Variants in DIP2C observed in about 807,000 individuals in gnomAD.
DIP2C encodes the protein disco-interacting protein 2 homolog C.
DIP2C carries 33 observed loss-of-function variants against 192.4 expected under a neutral mutation model. The ratio of observed to expected loss-of-function variants is 0.17; its 90% confidence interval spans 0.13 to 0.23. The LOEUF is 0.23. DIP2C is among the 10% of genes least tolerant of loss of function. DIP2C has a pLI of 1.00. For synonymous variants in DIP2C, 979 were observed against 864.1 expected, an observed-to-expected ratio of 1.13 and a Z score of -2.33; for missense variants, 1,537 against 2,110.1, an observed-to-expected ratio of 0.73 and a Z score of 5.32.
At chr10:639,215 C>T (rs2034851) in intron 1 of DIP2C, among the ~76,000 whole-genome samples, 4,939 of 133,536 alleles carry the variant, frequency 0.037, 91 homozygotes, top group African/African-American at 0.086. Context: ...GGGTGCTGCC[C>T]GGCTCACGGT....
At chr10:538,087 G>A (rs1847789999) in intron 1 of DIP2C, among the ~76,000 whole-genome samples, 1 of 152,112 alleles carries the variant, frequency 6.6e-6, no homozygotes, top group Admixed American at 6.5e-5. Flanking sequence ...ACCGTGCCTG[G>A]CTGTGAATGT....
intron 1 of DIP2C, among the ~76,000 whole-genome samples, chr10:682,073 T>A (rs928361512): frequency 6.6e-6 from 1 of 152,278 alleles, no homozygotes; most frequent in Non-Finnish European, 1.5e-5. Context: ...TAAGGTCTTC[T>A]GTGCTGACCT....
intron 1 of DIP2C, among the ~76,000 whole-genome samples, chr10:561,039 C>T (rs1849187306): frequency 6.6e-6 from 1 of 152,202 alleles, no homozygotes; most frequent in African/African-American, 2.4e-5. Context: ...ACCCCTGCTT[C>T]CAGTTGTCCC....
At chr10:373,952 C>T (rs1368326913) in intron 17 of DIP2C, among the ~76,000 whole-genome samples, 2 of 152,200 alleles carry the variant, frequency 1.3e-5, no homozygotes, top group Non-Finnish European at 2.9e-5. Context: ...AATAGCCCCC[C>T]GGATCCAATT....
At chr10:438,761 G>A (rs1400522438) in intron 4 of DIP2C, among the ~76,000 whole-genome samples, 1 of 152,164 alleles carries the variant, frequency 6.6e-6, no homozygotes, top group Non-Finnish European at 1.5e-5. Context: ...AAAGTGCTGA[G>A]GCTGGAGGCA....
At chr10:378,626 C>T (rs536089306) in intron 17 of DIP2C, among the ~76,000 whole-genome samples, 29 of 147,382 alleles carry the variant, frequency 2.0e-4, no homozygotes, top group Middle Eastern at 3.5e-3. Context: ...TAAAGACACA[C>T]GAACACAGAC....
At chr10:687,078 C>G (rs183618545) in intron 1 of DIP2C, among the ~76,000 whole-genome samples, 11 of 152,336 alleles carry the variant, frequency 7.2e-5, no homozygotes, top group South Asian at 4.1e-4. Context: ...AAAGAATTCT[C>G]TCCACTTGAA....
intron 1 of DIP2C, among the ~76,000 whole-genome samples, chr10:591,881 CG>C (rs1483809397): frequency 6.6e-6 from 1 of 152,206 alleles, no homozygotes; most frequent in African/African-American, 2.4e-5. Flanking sequence ...AAGACAGCGG[CG>C]GCCTGAATGA....
intron 17 of DIP2C, among the ~76,000 whole-genome samples, chr10:381,474 A>G (rs1220400344): frequency 6.6e-6 from 1 of 152,170 alleles, no homozygotes; most frequent in Non-Finnish European, 1.5e-5. Flanking sequence ...ACACCAGAGA[A>G]GACCACTGAA....
At chr10:394,241 G>C (rs1235371237) in intron 10 of DIP2C, among the ~76,000 whole-genome samples, 1 of 152,180 alleles carries the variant, frequency 6.6e-6, no homozygotes, top group Non-Finnish European at 1.5e-5. Flanking sequence ...AGCGAGGAGG[G>C]AAGCCGGGCC....
At chr10:613,095 G>T (rs1165207194) in intron 1 of DIP2C, among the ~76,000 whole-genome samples, 1 of 152,204 alleles carries the variant, frequency 6.6e-6, no homozygotes, top group Non-Finnish European at 1.5e-5. Context: ...ACCGTTCTAA[G>T]GAGAGCTACA....
At chr10:574,014 TC>T in intron 1 of DIP2C, among the ~76,000 whole-genome samples, 1 of 152,224 alleles carries the variant, frequency 6.6e-6, no homozygotes, top group East Asian at 1.9e-4. Context: ...AACACTTTAT[TC>T]TGTCTTCTAC....
At chr10:292,221 C>T (rs936290276) in intron 32 of DIP2C, among the ~76,000 whole-genome samples, 18 of 152,216 alleles carry the variant, frequency 1.2e-4, no homozygotes, top group Non-Finnish European at 1.6e-4. Context: ...CTGCCCAAAT[C>T]GGCTCCACGA....
intron 17 of DIP2C, among the ~76,000 whole-genome samples, chr10:374,467 C>T (rs1032580368): frequency 1.3e-5 from 2 of 152,212 alleles, no homozygotes; most frequent in Non-Finnish European, 2.9e-5. Flanking sequence ...GGGTGCAGCA[C>T]CATGACCCTC....
chr10:680,403 T>C (rs538034887), intron 1 of DIP2C, among the ~76,000 whole-genome samples: 1 of 152,278 alleles, frequency 6.6e-6, no homozygotes, highest in East Asian at 1.9e-4. Flanking sequence ...TGCTCTTCAA[T>C]GTACTTGACA....
intron 3 of DIP2C, among the ~76,000 whole-genome samples, chr10:459,857 C>T (rs1220259819): frequency 1.4e-5 from 2 of 146,730 alleles, no homozygotes; most frequent in Admixed American, 6.8e-5. Flanking sequence ...CTAGGATCTT[C>T]CTCTCACAGT....
chr10:501,513 C>A (rs898649590), intron 1 of DIP2C, among the ~76,000 whole-genome samples: 2 of 151,724 alleles, frequency 1.3e-5, no homozygotes, highest in Admixed American at 6.6e-5. Context: ...GCGTTGATAC[C>A]ATATTACCCC....
intron 1 of DIP2C, among the ~76,000 whole-genome samples, chr10:618,472 G>T (rs1040570433): frequency 6.6e-6 from 1 of 152,222 alleles, no homozygotes; most frequent in Non-Finnish European, 1.5e-5. Context: ...GCTGTCGCTC[G>T]CACTGCAGAC....
At chr10:312,276 A>T (rs1956599558) in intron 31 of DIP2C, among the ~76,000 whole-genome samples, 1 of 152,184 alleles carries the variant, frequency 6.6e-6, no homozygotes, top group African/African-American at 2.4e-5. Flanking sequence ...AATCTACCCC[A>T]GCTGCTGGAC....
Sources: gnomAD v4.1 joint callset for allele counts (sites outside exome capture counted in the v4.1 genomes callset) on GRCh38, gnomAD v4.1.1 for gene constraint, MANE v1.5 for transcripts, NCBI Gene and HGNC (gene_info 2026-07-23, HGNC 2026-07-21) for gene names.